MFHAS1: variants seen among roughly 807,000 people sequenced by gnomAD.
MFHAS1 encodes the protein multifunctional ROCO family signaling regulator 1.
MFHAS1 carries 50 observed loss-of-function variants against 70.4 expected under a neutral mutation model. The observed-to-expected ratio is 0.71, with a 90% CI of 0.57 to 0.90. The LOEUF is 0.90. Ranked by LOEUF, MFHAS1 falls within the 40% of genes least tolerant of loss-of-function variation. The probability of loss-of-function intolerance (pLI) is 0.00; values close to 1 mark genes in which losing one functional copy is unlikely to be tolerated. For synonymous variants in MFHAS1, 952 were observed against 620.0 expected, an observed-to-expected ratio of 1.54 and a Z score of -7.96; for missense variants, 1,795 against 1,347.6, an observed-to-expected ratio of 1.33 and a Z score of -5.20.
At chr8:8,818,475 T>C (rs551440369) in intron 1 of MFHAS1, among the ~76,000 whole-genome samples, 3 of 152,328 alleles carry the variant, frequency 2.0e-5, no homozygotes, top group East Asian at 3.9e-4. Flanking sequence ...AGTACTTTCA[T>C]GAAGTCTGAA....
At position 8,892,435 on chromosome 8, in the gene MFHAS1, C is replaced by T. The variant is rs61745486; in HGVS notation, c.624G>A (p.Glu208=). The change falls in exon 1 of 3, where the codon GAG becomes GAA. Residue 208 remains glutamate, a synonymous_variant. Coordinates refer to ENST00000276282, the MANE Select transcript of MFHAS1 (RefSeq NM_004225.3). This position sits in a 1 kb window ranked among gnomAD's most constrained non-coding sequence, Gnocchi z 4.7. ...RQLLQLVALE[E]LDVSSNRLRG... is the part of the protein sequence containing the mutation. Reference sequence around the variant, plus strand: ...GCAGCCGGTTGCTGGACACGTCCAGCTCCTCCAGGGCCACCAGCTGCAGCA... The same window carrying T: ...GCAGCCGGTTGCTGGACACGTCCAGTTCCTCCAGGGCCACCAGCTGCAGCA... 2 of 1,612,192 alleles carry T rather than the reference C, an allele frequency of 1.2e-6. No individual in the cohort carries two copies.
At chr8:8,856,957 T>C (rs1284863691) in intron 1 of MFHAS1, among the ~76,000 whole-genome samples, 1 of 108,554 alleles carries the variant, frequency 9.2e-6, no homozygotes, top group Non-Finnish European at 1.7e-5. Flanking sequence ...GCTCAAAACC[T>C]GACACTTTCA....
intron 1 of MFHAS1, among the ~76,000 whole-genome samples, chr8:8,799,133 A>G (rs1806001936): frequency 6.6e-6 from 1 of 152,146 alleles, no homozygotes; most frequent in Admixed American, 6.5e-5. Flanking sequence ...CATGCGTTCC[A>G]AGACCCCAGC....
rs1585012782 is a variant in MFHAS1, at chr8:8,785,775, T to C, written c.*247A>G. The C allele has an allele frequency of 2.4e-6, 1 of 413,256 alleles. No homozygotes were observed. The highest frequency in any genetic ancestry group is 4.3e-6 in the Non-Finnish European group (1 of 229,930). 25.6% of individuals were successfully genotyped at this position (413,256 alleles called of 1,614,324 possible). A position where few individuals can be genotyped will look rare whatever the true frequency, so the allele number is the denominator to read the frequency against. On this transcript the variant is annotated 3_prime_UTR_variant, in exon 3 of 3. Coordinates refer to ENST00000276282, the MANE Select transcript of MFHAS1 (RefSeq NM_004225.3). ...TTTTTCTTTTCTTCAAGTAGCGCGC[T>C]CCTTGGAGGATCACAGTTCTGAGGT... is the stretch of plus-strand genomic sequence containing the variant.
chr8:8,793,145 C>T (rs566167534), intron 2 of MFHAS1, among the ~76,000 whole-genome samples: 156 of 151,188 alleles, frequency 1.0e-3, no homozygotes, highest in African/African-American at 3.0e-3. Flanking sequence ...TCCACTGAGA[C>T]AAGTTATAAG....
intron 1 of MFHAS1, among the ~76,000 whole-genome samples, chr8:8,841,125 T>A (rs1807805525): frequency 6.6e-6 from 1 of 152,224 alleles, no homozygotes; most frequent in Non-Finnish European, 1.5e-5. Flanking sequence ...CTCCTTCGCA[T>A]ATTCCTTAAG....
At chr8:8,863,595 T>A (rs1429379794) in intron 1 of MFHAS1, among the ~76,000 whole-genome samples, 7 of 152,178 alleles carry the variant, frequency 4.6e-5, no homozygotes, top group Non-Finnish European at 7.4e-5. Flanking sequence ...CCAGACCATA[T>A]CATTAAAATG....
chr8:8,892,804 C>A lies in MFHAS1; in HGVS notation c.255G>T (p.Ala85=). ...LEEVPEGLGS[A]LGSLRVLVLR... is the part of the protein sequence containing the mutation. ...GGACCAGGACGCGCAGGCTGCCCAG[C>A]GCCGACCCCAGCCCCTCGGGTACCT... The change falls in exon 1 of 3, where the codon GCG becomes GCT. Residue 85 remains alanine (A), a synonymous_variant. Transcript: ENST00000276282. This position sits in a 1 kb window ranked among gnomAD's most constrained non-coding sequence, Gnocchi z 4.7. 6.3e-7 allele frequency: 1 copy of A among 1,587,844 alleles called. No homozygotes were observed. The highest frequency in any genetic ancestry group is 8.6e-7 in the Non-Finnish European group (1 of 1,167,666).
Position 8,785,815 on chromosome 8 carries a change from A to G in MFHAS1, c.*207T>C, listed in dbSNP as rs544035230. 603 of 532,290 alleles carry G rather than the reference A, an allele frequency of 1.1e-3. 7 individuals carry two copies. Among genetic ancestry groups the G allele is most frequent in the South Asian group, 6.2e-3 (255 of 41,020 alleles). 33.0% of individuals were successfully genotyped at this position (532,290 alleles called of 1,614,324 possible). A position where few individuals can be genotyped will look rare whatever the true frequency, so the allele number is the denominator to read the frequency against. On this transcript the variant is annotated 3_prime_UTR_variant, in exon 3 of 3. Coordinates refer to ENST00000276282, the MANE Select transcript of MFHAS1 (RefSeq NM_004225.3). ...AGTTCTGAGGTTCAGGTTGTAAAAC[A>G]TTTGCTCCATGTTCTCGTCCATGCT...
intron 1 of MFHAS1, among the ~76,000 whole-genome samples, chr8:8,819,462 G>C (rs551692025): frequency 6.6e-6 from 1 of 151,974 alleles, no homozygotes; most frequent in Non-Finnish European, 1.5e-5. Context: ...AAAATTAGCC[G>C]GGCATGGTGG....
At chr8:8,810,989 C>T (rs1035478599) in intron 1 of MFHAS1, among the ~76,000 whole-genome samples, 5 of 152,158 alleles carry the variant, frequency 3.3e-5, no homozygotes, top group African/African-American at 7.2e-5. Flanking sequence ...GGACCCACAG[C>T]ACCTCAAGGC....
intron 1 of MFHAS1, among the ~76,000 whole-genome samples, chr8:8,836,514 G>C (rs894418285): frequency 2.6e-5 from 4 of 152,134 alleles, no homozygotes; most frequent in African/African-American, 9.7e-5. Flanking sequence ...AAAAGCTGGA[G>C]ACTACAGGTG....
At chr8:8,825,706 T>C (rs1477242433) in intron 1 of MFHAS1, among the ~76,000 whole-genome samples, 1 of 152,220 alleles carries the variant, frequency 6.6e-6, no homozygotes, top group Non-Finnish European at 1.5e-5. Flanking sequence ...GAACCATAAT[T>C]ACCTCTTTAA....
rs1410797755 is a variant in MFHAS1, at chr8:8,796,602, C to T, written c.3125+763G>A. Among the ~76,000 whole-genome samples the T allele has an allele frequency of 1.2e-3, 163 of 134,996 alleles. 4 individuals carry two copies. Among genetic ancestry groups the T allele is most frequent in the Middle Eastern group, 5.0e-3 (1 of 202 alleles). The allele number at this position is 134,996 out of a possible 152,430, so 88.6% of individuals were successfully genotyped here. A position where few individuals can be genotyped will look rare whatever the true frequency, so the allele number is the denominator to read the frequency against. ...GGGAGGCTGAGGCAGGAGAATGGCC[C>T]GAACCCGGAAGGCGGAGCTTGCAGT... On this transcript the variant is annotated intron_variant, in intron 2 of 2. Coordinates refer to ENST00000276282, the MANE Select transcript of MFHAS1 (RefSeq NM_004225.3).
chr8:8,870,044 C>G (rs551001523), intron 1 of MFHAS1, among the ~76,000 whole-genome samples: 1 of 152,218 alleles, frequency 6.6e-6, no homozygotes, highest in Admixed American at 6.5e-5. Flanking sequence ...TTTGACCCTT[C>G]AGTATTTTCC....
intron 2 of MFHAS1, among the ~76,000 whole-genome samples, chr8:8,796,487 T>A (rs888054362): frequency 6.6e-6 from 1 of 150,798 alleles, no homozygotes; most frequent in Non-Finnish European, 1.5e-5. Flanking sequence ...ATCGAGATCA[T>A]CCTGGCTAAC....
Position 8,831,953 on chromosome 8 carries a change from A to G in MFHAS1, c.2999-34462T>C, listed in dbSNP as rs924742239. Among the ~76,000 whole-genome samples, 9 of 152,094 alleles carry G rather than the reference A, an allele frequency of 5.9e-5. No individual in the cohort carries two copies. In the South Asian group the frequency reaches 1.9e-3, roughly 32 times the overall value. ...CAAGAGCCCAGGCAATTTAAAGGAG[A>G]AAGAATAGCTTTTTTCAGCAAATGG... On this transcript the variant is annotated intron_variant, in intron 1 of 2. Coordinates refer to ENST00000276282, the MANE Select transcript of MFHAS1 (RefSeq NM_004225.3).
chr8:8,800,558 C>A (rs879291744), intron 1 of MFHAS1, among the ~76,000 whole-genome samples: 3 of 152,144 alleles, frequency 2.0e-5, no homozygotes, highest in Non-Finnish European at 2.9e-5. Context: ...CACCATGCAC[C>A]ACAGGGGCCA....
At chr8:8,876,637 A>G (rs1709387275) in intron 1 of MFHAS1, among the ~76,000 whole-genome samples, 1 of 151,938 alleles carries the variant, frequency 6.6e-6, no homozygotes, top group Non-Finnish European at 1.5e-5. Context: ...TCGGCCTCCC[A>G]AAGTGCTGGG....
Sources: allele counts gnomAD v4.1 joint callset (sites outside exome capture counted in the v4.1 genomes callset), GRCh38; gene constraint gnomAD v4.1.1; non-coding constraint Gnocchi (gnomAD v3.1); transcripts MANE v1.5; gene names NCBI Gene and HGNC (gene_info 2026-07-23, HGNC 2026-07-21).